Variants in RBFOX1 observed in about 807,000 individuals in gnomAD.
RBFOX1 encodes RNA binding fox-1 homolog 1, also known as RNA binding protein fox-1 homolog 1.
RBFOX1 carries 8 observed loss-of-function variants against 57.7 expected under a neutral mutation model. The ratio of observed to expected loss-of-function variants is 0.14; its 90% confidence interval spans 0.08 to 0.25. The LOEUF (loss-of-function observed/expected upper bound fraction) is 0.25. Among genes scored for constraint, RBFOX1 ranks in the 10% least tolerant of loss-of-function variants. The pLI is 1.00. For synonymous variants in RBFOX1, 326 were observed against 222.4 expected (o/e 1.47, Z -4.15); for missense variants, 611 against 548.5 (o/e 1.11, Z -1.14).
intron 4 of RBFOX1, among the ~76,000 whole-genome samples, chr16:5,967,689 C>A (rs763336820): frequency 6.6e-6 from 1 of 152,124 alleles, no homozygotes; most frequent in Admixed American, 6.5e-5. Flanking sequence ...TCTTCTTCTT[C>A]CCCCTAAGAA....
chr16:6,361,896 GT>G (rs1455094873), intron 2 of RBFOX1, among the ~76,000 whole-genome samples: 20 of 152,002 alleles, frequency 1.3e-4, no homozygotes, highest in African/African-American at 4.8e-4. Flanking sequence ...TGATCCAGCC[GT>G]TTTTGTTTTT....
intron 4 of RBFOX1, among the ~76,000 whole-genome samples, chr16:7,228,144 T>C (rs566975602): frequency 6.6e-6 from 1 of 152,246 alleles, no homozygotes; most frequent in South Asian, 2.1e-4. Context: ...AGTATCAGAC[T>C]GTAAGTTCCG....
intron 2 of RBFOX1, among the ~76,000 whole-genome samples, chr16:5,469,605 G>T (rs887127757): frequency 6.6e-6 from 1 of 152,068 alleles, no homozygotes; most frequent in Non-Finnish European, 1.5e-5. Flanking sequence ...CCTTCATGTA[G>T]TTCCAAAGCA....
At chr16:5,821,253 G>C (rs911254316) in intron 3 of RBFOX1, among the ~76,000 whole-genome samples, 1 of 150,368 alleles carries the variant, frequency 6.7e-6, no homozygotes, top group Non-Finnish European at 1.5e-5. Flanking sequence ...TTCCATCCCA[G>C]TTGGGGCGGG....
At chr16:5,368,052 G>A (rs9888960) in intron 1 of RBFOX1, among the ~76,000 whole-genome samples, 1 of 152,292 alleles carries the variant, frequency 6.6e-6, no homozygotes, top group Non-Finnish European at 1.5e-5. Context: ...TAGTTGGAGA[G>A]ACCCACATGA....
intron 1 of RBFOX1, chr16:5,240,143 G>A: frequency 1.5e-6 from 2 of 1,353,456 alleles, no homozygotes; most frequent in African/African-American, 1.5e-5. Context: ...GGGTGCCGGG[G>A]GCGCGGGGGT....
At chr16:7,062,669 G>C (rs1193240569) in intron 4 of RBFOX1, among the ~76,000 whole-genome samples, 1 of 152,162 alleles carries the variant, frequency 6.6e-6, no homozygotes, top group Non-Finnish European at 1.5e-5. Flanking sequence ...TTTCTCCTGA[G>C]ACTCTGAATA....
At chr16:6,077,065 G>A (rs546573886) in intron 1 of RBFOX1, among the ~76,000 whole-genome samples, 11 of 152,302 alleles carry the variant, frequency 7.2e-5, no homozygotes, top group African/African-American at 2.4e-4. Flanking sequence ...TTACAGCTTC[G>A]TAAGCCTAGA....
intron 3 of RBFOX1, among the ~76,000 whole-genome samples, chr16:7,029,077 TATATACACACACACACACACACACAC>T (rs2041948525): frequency 9.0e-5 from 4 of 44,572 alleles, no homozygotes; most frequent in Admixed American, 5.9e-4. Context: ...TATATATATA[TATATACACACACACACACACACACAC>T]ACACACACAC....
At chr16:5,520,050 G>A (rs1260381519) in intron 2 of RBFOX1, among the ~76,000 whole-genome samples, 1 of 152,204 alleles carries the variant, frequency 6.6e-6, no homozygotes, top group African/African-American at 2.4e-5. Flanking sequence ...GATGCAGGAT[G>A]TGCGATGAAG....
rs866500041 is a variant in RBFOX1 at position 7,498,665 on chromosome 16, G to T, written c.28-19482G>T. 9.9e-5 allele frequency among the ~76,000 whole-genome samples: 15 copies of T among 152,124 alleles called. No individual in the cohort carries two copies. In the South Asian group the frequency reaches 1.9e-3, roughly 19 times the overall value. On this transcript the variant is annotated intron_variant, in intron 4 of 15. Transcript: ENST00000550418. ...TCTTGTATGACGTCTCTGAAATCTG[G>T]CGTGCAGTTGCCATGTACAGTACGC...
chr16:6,070,050 A>G (rs1330079267), intron 1 of RBFOX1, among the ~76,000 whole-genome samples: 2 of 152,224 alleles, frequency 1.3e-5, no homozygotes, highest in African/African-American at 2.4e-5. Context: ...ATCTACTTTC[A>G]TAATTCAAAT....
chr16:6,496,853 G>A (rs974884566), intron 2 of RBFOX1, among the ~76,000 whole-genome samples: 11 of 152,060 alleles, frequency 7.2e-5, no homozygotes, highest in South Asian at 2.1e-4. Context: ...CCAGCTACTC[G>A]GGAGGCTGAG....
intron 1 of RBFOX1, among the ~76,000 whole-genome samples, chr16:5,460,563 G>A (rs993386042): frequency 1.3e-5 from 2 of 152,208 alleles, no homozygotes; most frequent in African/African-American, 4.8e-5. Context: ...GCTGATGGTT[G>A]TAAAGGACTC....
intron 1 of RBFOX1, among the ~76,000 whole-genome samples, chr16:6,095,414 G>C (rs967311483): frequency 6.6e-6 from 1 of 152,170 alleles, no homozygotes; most frequent in East Asian, 1.9e-4. Flanking sequence ...TGCACTTTCT[G>C]TGGAGCTGAT....
chr16:7,086,580 T>A (rs932848903), intron 4 of RBFOX1, among the ~76,000 whole-genome samples: 1 of 152,062 alleles, frequency 6.6e-6, no homozygotes. Flanking sequence ...TAGAAAAAAA[T>A]TATGGATACT....
chr16:7,627,387 G>A (rs2060245274), intron 10 of RBFOX1, among the ~76,000 whole-genome samples: 1 of 152,140 alleles, frequency 6.6e-6, no homozygotes, highest in Non-Finnish European at 1.5e-5. Flanking sequence ...GCTAAAGAAT[G>A]GGTAGGTAGT....
chr16:6,896,962 T>C (rs966954862), intron 3 of RBFOX1, among the ~76,000 whole-genome samples: 6 of 152,186 alleles, frequency 3.9e-5, no homozygotes, highest in East Asian at 1.9e-4. Context: ...AGAATGCAGC[T>C]GACAGGCCGT....
chr16:7,155,738 TACACACAC>T (rs138509367), intron 4 of RBFOX1, among the ~76,000 whole-genome samples: 5 of 75,518 alleles, frequency 6.6e-5, no homozygotes, highest in Admixed American at 4.1e-4. Context: ...TATATATATA[TACACACAC>T]ACACACACAC....
Sources: gnomAD v4.1 joint callset for allele counts (sites outside exome capture counted in the v4.1 genomes callset) on GRCh38, gnomAD v4.1.1 for gene constraint, MANE v1.5 for transcripts, NCBI Gene and HGNC (gene_info 2026-07-23, HGNC 2026-07-21) for gene names.